Variants in TPRA1 observed in about 807,000 individuals in gnomAD.
The protein encoded by TPRA1 is transmembrane protein adipocyte associated 1, also known as transmembrane protein adipocyte-associated 1.
A neutral mutation model predicts 40.1 loss-of-function variants in TPRA1; 28 were observed. The observed-to-expected ratio is 0.70, with a 90% CI of 0.52 to 0.96. The LOEUF is 0.96. Ranked by LOEUF, TPRA1 falls within the 40% of genes least tolerant of loss-of-function variation. TPRA1 has a pLI of 0.00. For synonymous variants in TPRA1, 219 were observed against 209.7 expected, an observed-to-expected ratio of 1.04 and a Z score of -0.38; for missense variants, 441 against 482.6, an observed-to-expected ratio of 0.91 and a Z score of 0.81.
intron 1 of TPRA1, among the ~76,000 whole-genome samples, chr3:127,585,772 A>G (rs2073980731): frequency 6.6e-6 from 1 of 152,160 alleles, no homozygotes. Flanking sequence ...TTTGTTCAGG[A>G]TCCCTCCATA....
At chr3:127,581,425 C>T (rs780260164) in intron 1 of TPRA1, among the ~76,000 whole-genome samples, 8 of 152,154 alleles carry the variant, frequency 5.3e-5, no homozygotes, top group Non-Finnish European at 1.0e-4. Flanking sequence ...GGCCGACAGG[C>T]GTATGATCCG....
rs533644041 is a variant in TPRA1, at chr3:127,574,917, C to T, written c.854+268G>A. 2.4e-4 allele frequency: 127 copies of T among 524,568 alleles called. No homozygotes were observed. In the East Asian group the frequency reaches 3.7e-3, roughly 15 times the overall value. 32.5% of individuals were successfully genotyped at this position (524,568 alleles called of 1,614,324 possible). ...ATATGCCCGTGTGTATCCGTATGTG[C>T]GTGTTTGTGTGTGCATGTGCATGTG... On this transcript the variant is annotated intron_variant, in intron 10 of 10. Coordinates refer to ENST00000355552, the MANE Select transcript of TPRA1 (RefSeq NM_001136053.4).
At chr3:127,575,681 G>C in intron 8 of TPRA1, 68 bp downstream of exon 8, 1 of 1,572,754 alleles carries the variant, frequency 6.4e-7, no homozygotes, top group Non-Finnish European at 8.7e-7. Context: ...CCAGCTACCA[G>C]CTCTACAGTG....
chr3:127,592,889 C>T (rs954009176), upstream of TPRA1, among the ~76,000 whole-genome samples: 3 of 152,244 alleles, frequency 2.0e-5, no homozygotes, highest in Non-Finnish European at 4.4e-5. Context: ...AGGTGTCTTC[C>T]AGCCAGCTCT....
Position 127,579,887 on chromosome 3 carries a change from C to T in TPRA1, c.126-15G>A. ...AGTACCGGACCCTGGCGGATGGGCACAGGAGCTGGCTCACTGGCGAGGCCA... is the reference window on the plus strand; with the variant it reads ...AGTACCGGACCCTGGCGGATGGGCATAGGAGCTGGCTCACTGGCGAGGCCA... On this transcript the variant is annotated splice_polypyrimidine_tract_variant and intron_variant, in intron 2 of 10. Coordinates refer to ENST00000355552, the MANE Select transcript of TPRA1 (RefSeq NM_001136053.4). 6.2e-7 allele frequency: 1 copy of T among 1,612,952 alleles called. No homozygotes were observed. The highest frequency in any genetic ancestry group is 8.5e-7 in the Non-Finnish European group (1 of 1,179,974).
intron 1 of TPRA1, among the ~76,000 whole-genome samples, chr3:127,589,355 G>A (rs1158669920): frequency 6.6e-6 from 1 of 151,860 alleles, no homozygotes; most frequent in African/African-American, 2.4e-5. Context: ...ACCCTGGGGA[G>A]AGGGGCCCTC....
chr3:127,586,031 G>C (rs2073989933), intron 1 of TPRA1, among the ~76,000 whole-genome samples: 1 of 152,218 alleles, frequency 6.6e-6, no homozygotes, highest in South Asian at 2.1e-4. Flanking sequence ...ATGCCCTGCA[G>C]AGTGGCTCTG....
chr3:127,573,337 G>A lies in TPRA1; in HGVS notation c.*184C>T. ...GGAAGGGGAGGAGGGTCCCCAGTGA[G>A]AGCAGAGATGGCAAAGGGGATTGGG... On this transcript the variant is annotated 3_prime_UTR_variant, in exon 11 of 11. Coordinates refer to ENST00000355552, the MANE Select transcript of TPRA1 (RefSeq NM_001136053.4). 1.4e-6 allele frequency: 1 copy of A among 710,982 alleles called. No individual in the cohort carries two copies. The highest frequency in any genetic ancestry group is 2.2e-6 in the Non-Finnish European group (1 of 446,228). 44.0% of individuals were successfully genotyped at this position (710,982 alleles called of 1,614,324 possible).
chr3:127,575,962 A>G lies in TPRA1; in HGVS notation c.587T>C (p.Val196Ala), dbSNP rs141588280. Residue 196 changes from valine to alanine, a missense_variant, in exon 7 of 11, where the codon GTC (valine) becomes GCC (alanine). Val to Ala is a moderately conservative substitution (Grantham distance 64). Transcript: ENST00000355552. ...YGHGGRQFWLVSSCFFFLVYS... is the reference protein window; with the variant it reads ...YGHGGRQFWLASSCFFFLVYS... ...CACCAGGAAGAAGAAGCAGGAGCTG[A>G]CCAGCCAGAACTGGCGGCCCCCATG... The G allele has an allele frequency of 5.9e-4, 957 of 1,613,986 alleles. 1 individual carries two copies. The highest frequency in any genetic ancestry group is 7.5e-4 in the Non-Finnish European group (886 of 1,180,018).
chr3:127,582,471 C>G (rs1189450551), intron 1 of TPRA1, among the ~76,000 whole-genome samples: 4 of 151,652 alleles, frequency 2.6e-5, no homozygotes, highest in Admixed American at 1.3e-4. Context: ...GAGGCCAAGG[C>G]AGGCGAATCA....
At chr3:127,578,978 T>C (rs13097742) in intron 3 of TPRA1, among the ~76,000 whole-genome samples, 7,390 of 150,246 alleles carry the variant, frequency 0.049, 231 homozygotes, top group Middle Eastern at 0.1. Context: ...ACCGGAAGCC[T>C]ACACCTGGAG....
intron 10 of TPRA1, 45 bp downstream of exon 10, chr3:127,575,140 G>C: frequency 6.3e-7 from 1 of 1,597,722 alleles, no homozygotes; most frequent in Non-Finnish European, 8.6e-7. Flanking sequence ...AGAAGGCGCA[G>C]TTCCGCCGGC....
rs1294422877 is a variant in TPRA1 at position 127,571,573 on chromosome 3, C to T, written c.*1948G>A. 6.6e-6 allele frequency: 1 copy of T among 152,204 alleles called. No homozygotes were observed. Among genetic ancestry groups the T allele is most frequent in the Non-Finnish European group, 1.5e-5 (1 of 68,042 alleles). The allele number at this position is 152,204 out of a possible 1,614,324, so 9.4% of individuals were successfully genotyped here. On this transcript the variant is annotated 3_prime_UTR_variant, in exon 11 of 11. Transcript: ENST00000355552. ...GCTGCAGGGGTGAAGCAGTCCTCCA[C>T]TTGACATGGAATGATCTCCAAGATC...
At chr3:127,583,932 G>C (rs1022479908) in intron 1 of TPRA1, among the ~76,000 whole-genome samples, 1 of 151,362 alleles carries the variant, frequency 6.6e-6, no homozygotes, top group African/African-American at 2.4e-5. Flanking sequence ...GCCTCCCAAA[G>C]TGCTGGGATT....
At chr3:127,586,564 G>A (rs868210440) in intron 1 of TPRA1, among the ~76,000 whole-genome samples, 1 of 152,170 alleles carries the variant, frequency 6.6e-6, no homozygotes, top group African/African-American at 2.4e-5. Context: ...TTGCCATGTT[G>A]GCCAGGCTGG....
intron 2 of TPRA1, 60 bp downstream of exon 2, chr3:127,579,962 C>T (rs926362729): frequency 1.9e-6 from 3 of 1,610,056 alleles, no homozygotes; most frequent in Non-Finnish European, 2.5e-6. Context: ...TCACCACCCC[C>T]CTACACCAGG....
chr3:127,590,044 G>A (rs1197363396), intron 1 of TPRA1, among the ~76,000 whole-genome samples: 1 of 152,190 alleles, frequency 6.6e-6, no homozygotes, highest in Non-Finnish European at 1.5e-5. Context: ...CGGCCGCTGC[G>A]GGCAGCCACC....
intron 1 of TPRA1, among the ~76,000 whole-genome samples, chr3:127,583,295 A>G (rs1397906150): frequency 6.6e-6 from 1 of 151,904 alleles, no homozygotes. Context: ...CCTGGGCAAC[A>G]AGAGTGAAAC....
chr3:127,586,881 G>A (rs544325178), intron 1 of TPRA1, among the ~76,000 whole-genome samples: 5 of 152,310 alleles, frequency 3.3e-5, no homozygotes, highest in African/African-American at 2.4e-5. Flanking sequence ...GGGGGAGTCA[G>A]GCAGAGTCCA....
Sources: gnomAD v4.1 joint callset for allele counts (sites outside exome capture counted in the v4.1 genomes callset) on GRCh38, gnomAD v4.1.1 for gene constraint, MANE v1.5 for transcripts, NCBI Gene and HGNC (gene_info 2026-07-23, HGNC 2026-07-21) for gene names.